Variants in SEZ6 observed in about 807,000 individuals in gnomAD.
SEZ6 encodes the protein seizure related 6 homolog, also known as seizure protein 6 homolog.
Under a neutral mutation model 101.0 loss-of-function variants are expected in SEZ6, and 53 were observed. That is an observed-to-expected ratio of 0.52 (90% confidence interval 0.42 to 0.66). The LOEUF (loss-of-function observed/expected upper bound fraction) is 0.66, where lower values mean the gene tolerates loss of function less well. SEZ6 is among the 30% of genes least tolerant of loss of function. The probability of loss-of-function intolerance (pLI) is 0.00; values close to 1 mark genes in which losing one functional copy is unlikely to be tolerated. For synonymous variants in SEZ6, 488 were observed against 512.2 expected (o/e 0.95, Z 0.64); for missense variants, 1,102 against 1,289.4 (o/e 0.85, Z 2.23).
chr17:29,000,385 A>G (rs2041599993), intron 1 of SEZ6, among the ~76,000 whole-genome samples: 1 of 152,252 alleles, frequency 6.6e-6, no homozygotes, highest in Non-Finnish European at 1.5e-5. Flanking sequence ...AAATGGGAAC[A>G]ACTAATATCT....
At chr17:28,969,634 G>A (rs1232433249) in intron 4 of SEZ6, 123 bp downstream of exon 4, 32 of 891,394 alleles carry the variant, frequency 3.6e-5, no homozygotes, top group Non-Finnish European at 4.9e-5. Flanking sequence ...GGACATTTGT[G>A]CTATGTGTCA....
chr17:28,981,337 C>A (rs1453548880), intron 2 of SEZ6, 34 bp downstream of exon 2: 1 of 1,519,744 alleles, frequency 6.6e-7, no homozygotes, highest in African/African-American at 1.4e-5. Flanking sequence ...CCCCCATCCC[C>A]ATTTCCACAT....
At chr17:28,974,140 G>A (rs977582264) in intron 3 of SEZ6, among the ~76,000 whole-genome samples, 14 of 152,318 alleles carry the variant, frequency 9.2e-5, no homozygotes, top group African/African-American at 2.9e-4. Context: ...ACCCACAGAC[G>A]AGATGGCACT....
intron 1 of SEZ6, among the ~76,000 whole-genome samples, chr17:29,003,272 G>T (rs538506811): frequency 6.6e-6 from 1 of 152,368 alleles, no homozygotes; most frequent in Non-Finnish European, 1.5e-5. Context: ...ACCCCACACA[G>T]CTTGGGAAGA....
chr17:28,966,970 T>A (rs903391560), intron 4 of SEZ6, among the ~76,000 whole-genome samples: 1 of 152,220 alleles, frequency 6.6e-6, no homozygotes, highest in African/African-American at 2.4e-5. Context: ...GCAGGTGGGC[T>A]GTGGGTCAGA....
intron 1 of SEZ6, among the ~76,000 whole-genome samples, chr17:29,003,154 G>A (rs1191417698): frequency 6.6e-6 from 1 of 152,218 alleles, no homozygotes; most frequent in African/African-American, 2.4e-5. Context: ...TTAGGAGAAT[G>A]ACTAAAGGTA....
intron 3 of SEZ6, among the ~76,000 whole-genome samples, chr17:28,972,947 C>CA (rs1338290150): frequency 2.6e-5 from 4 of 152,154 alleles, no homozygotes; most frequent in Admixed American, 2.6e-4. Context: ...ACCACGAAAG[C>CA]AAAGGCAGAG....
chr17:28,955,867 G>T lies in SEZ6; in HGVS notation c.*95C>A. 7.2e-7 allele frequency: 1 copy of T among 1,389,364 alleles called. No homozygotes were observed. Among genetic ancestry groups the T allele is most frequent in the Non-Finnish European group, 1.0e-6 (1 of 997,736 alleles). The allele number at this position is 1,389,364 out of a possible 1,614,324, so 86.1% of individuals were successfully genotyped here. On this transcript the variant is annotated 3_prime_UTR_variant, in exon 17 of 17. Transcript: ENST00000317338. ...CTCCTCCTAGGTGGTATATACAGGA[G>T]GTGGAGGGACAGCAGGAAGCAAGGA...
chr17:28,970,086 C>G, intron 3 of SEZ6, 134 bp from the exon 4 acceptor site: 1 of 776,468 alleles, frequency 1.3e-6, no homozygotes, highest in Non-Finnish European at 1.9e-6. Context: ...AGCCCCCAGG[C>G]CCTGAGCTGG....
At chr17:28,960,418 G>A in intron 7 of SEZ6, 87 bp downstream of exon 7, 1 of 1,503,728 alleles carries the variant, frequency 6.7e-7, no homozygotes, top group Non-Finnish European at 9.0e-7. Flanking sequence ...CATGGAGGCA[G>A]AGAGGGGTAG....
chr17:28,981,317 C>T, intron 2 of SEZ6, 54 bp downstream of exon 2: 1 of 1,499,794 alleles, frequency 6.7e-7, no homozygotes, highest in Admixed American at 2.1e-5. Context: ...TTTTAGGGGC[C>T]CCGCAGCCTC....
chr17:28,993,213 G>T (rs2041489689), intron 1 of SEZ6, among the ~76,000 whole-genome samples: 1 of 152,052 alleles, frequency 6.6e-6, no homozygotes, highest in Non-Finnish European at 1.5e-5. Context: ...CAGAGTCCTA[G>T]GTAGGGCTGG....
intron 1 of SEZ6, among the ~76,000 whole-genome samples, chr17:28,999,884 T>C (rs2041592171): frequency 6.6e-6 from 1 of 152,220 alleles, no homozygotes; most frequent in East Asian, 1.9e-4. Flanking sequence ...CCCAGCCCCT[T>C]ATTCTTTCCT....
At position 28,981,700 on chromosome 17, in the gene SEZ6, TGA is replaced by T; in HGVS notation, c.393_394del (p.Gln132AlafsTer89). On this transcript the variant is annotated frameshift_variant, in exon 2 of 17. Transcript: ENST00000317338. LOFTEE classifies it high-confidence loss of function. ...CCAGGGTCCCTCCTTGGACTGGGGC[TGA>T]GTGGGTACCGCAGCCATGGCTGGAG... 6.3e-7 allele frequency: 1 copy of T among 1,587,758 alleles called. No individual in the cohort carries two copies. The highest frequency in any genetic ancestry group is 8.6e-7 in the Non-Finnish European group (1 of 1,162,856).
rs1297298276 is a variant in SEZ6, at chr17:28,960,563, A to G, written c.1518T>C (p.Phe506=). The change falls in exon 7 of 17, where the codon TTT becomes TTC. Residue 506 remains phenylalanine, a synonymous_variant. Coordinates refer to ENST00000317338, the MANE Select transcript of SEZ6 (RefSeq NM_178860.5). The part of the protein sequence containing the change: ...EGLLSSGKHF[F]VELSTDSSGA... ...CGCTGCTGTCAGTACTGAGCTCAACAAAGAAGTGTTTGCCAGAGCTGAGCA... is the reference window on the plus strand; with the variant it reads ...CGCTGCTGTCAGTACTGAGCTCAACGAAGAAGTGTTTGCCAGAGCTGAGCA... 1 of 1,594,382 alleles carries G rather than the reference A, an allele frequency of 6.3e-7. No individual in the cohort carries two copies. The highest frequency in any genetic ancestry group is 8.5e-7 in the Non-Finnish European group (1 of 1,170,844).
chr17:29,006,009 C>T lies in SEZ6; in HGVS notation c.-140G>A. The T allele has an allele frequency of 1.6e-6, 1 of 631,600 alleles. No homozygotes were observed. The highest frequency in any genetic ancestry group is 2.2e-6 in the Non-Finnish European group (1 of 450,422). The allele number at this position is 631,600 out of a possible 1,614,324, so 39.1% of individuals were successfully genotyped here. On this transcript the variant is annotated 5_prime_UTR_variant, in exon 1 of 17. Coordinates refer to ENST00000317338, the MANE Select transcript of SEZ6 (RefSeq NM_178860.5). ...CAGCCGTCACCGCCGCTGCCGCCGCCAGCGCCTGACAGAATCAGCACCACG... is the reference window on the plus strand; with the variant it reads ...CAGCCGTCACCGCCGCTGCCGCCGCTAGCGCCTGACAGAATCAGCACCACG...
At chr17:28,966,912 T>G (rs1422227835) in intron 4 of SEZ6, among the ~76,000 whole-genome samples, 1 of 152,168 alleles carries the variant, frequency 6.6e-6, no homozygotes, top group Non-Finnish European at 1.5e-5. Context: ...GAGAGAATGG[T>G]CGGTAAGTGG....
intron 13 of SEZ6, 123 bp from the exon 14 acceptor site, chr17:28,956,880 A>G: frequency 7.2e-7 from 1 of 1,388,136 alleles, no homozygotes; most frequent in Non-Finnish European, 9.9e-7. Flanking sequence ...CCACTCCAGC[A>G]TTTGTCTTGG....
At chr17:28,995,737 G>T (rs1208673736) in intron 1 of SEZ6, among the ~76,000 whole-genome samples, 1 of 152,228 alleles carries the variant, frequency 6.6e-6, no homozygotes, top group Admixed American at 6.5e-5. Context: ...GCTGGTGCCA[G>T]TTTCCAGAGC....
Sources: gnomAD v4.1 joint callset for allele counts (sites outside exome capture counted in the v4.1 genomes callset) on GRCh38, gnomAD v4.1.1 for gene constraint, MANE v1.5 for transcripts, NCBI Gene and HGNC (gene_info 2026-07-23, HGNC 2026-07-21) for gene names.